UNC80: variants seen among roughly 807,000 people sequenced by gnomAD.
The protein encoded by UNC80 is protein unc-80 homolog.
A neutral mutation model predicts 384.6 loss-of-function variants in UNC80; 164 were observed. The ratio of observed to expected loss-of-function variants is 0.43; its 90% CI spans 0.38 to 0.49. The LOEUF is 0.49. UNC80 is among the 20% of genes least tolerant of loss of function. The pLI, the probability that UNC80 is intolerant of heterozygous loss-of-function variation, is 0.00. For missense variants in UNC80, 3,330 were observed against 4,143.0 expected, an observed-to-expected ratio of 0.80 and a Z score of 5.39; for synonymous variants, 1,486 against 1,527.8, an observed-to-expected ratio of 0.97 and a Z score of 0.64.
Position 209,863,156 on chromosome 2 carries a change from TG to T in UNC80, c.3628-9600del, listed in dbSNP as rs199930450. 3.3e-4 allele frequency among the ~76,000 whole-genome samples: 50 copies of T among 152,272 alleles called. 1 individual carries two copies. In the East Asian group the frequency reaches 9.5e-3, roughly 29 times the overall value. ...TTCTTTTTCTTAAGAATGTTGAATA[TG>T]GCCCCCAATCTCTTCCGGCTTGTAG... On this transcript the variant is annotated intron_variant, in intron 22 of 64. Transcript: ENST00000673920.
At chr2:209,965,553 TG>T (rs1478078764) in intron 51 of UNC80, among the ~76,000 whole-genome samples, 1 of 151,882 alleles carries the variant, frequency 6.6e-6, no homozygotes, top group Non-Finnish European at 1.5e-5. Flanking sequence ...CCCGAGTAGT[TG>T]GGATTACGGG....
At chr2:209,967,873 T>C (rs917124999) in intron 52 of UNC80, 24 of 415,608 alleles carry the variant, frequency 5.8e-5, no homozygotes, top group African/African-American at 4.5e-4. Flanking sequence ...ATCCATTTCT[T>C]AGCTATCATG....
intron 35 of UNC80, among the ~76,000 whole-genome samples, chr2:209,924,337 C>G (rs1032971136): frequency 6.6e-6 from 1 of 152,030 alleles, no homozygotes; most frequent in African/African-American, 2.4e-5. Context: ...CATAATAAGC[C>G]TTTGTTGAGT....
chr2:209,974,317 C>G (rs1395553650), intron 56 of UNC80, among the ~76,000 whole-genome samples: 2 of 152,174 alleles, frequency 1.3e-5, no homozygotes, highest in Non-Finnish European at 2.9e-5. Flanking sequence ...GTACCTAGGA[C>G]TAACCCATAT....
At chr2:209,985,986 C>T (rs868122972) in intron 61 of UNC80, among the ~76,000 whole-genome samples, 4 of 152,012 alleles carry the variant, frequency 2.6e-5, no homozygotes, top group South Asian at 2.1e-4. Flanking sequence ...TCATGACATT[C>T]GTGTTTGCCA....
At chr2:209,773,404 A>G (rs758670514) in intron 2 of UNC80, among the ~76,000 whole-genome samples, 60 of 152,228 alleles carry the variant, frequency 3.9e-4, no homozygotes, top group Admixed American at 1.4e-3. Context: ...GGTAAGCACT[A>G]TGGAGAAAAA....
Position 209,913,790 on chromosome 2 carries a change from A to G in UNC80, c.4891-12A>G, listed in dbSNP as rs911343804. 11 of 1,537,788 alleles carry G rather than the reference A, an allele frequency of 7.2e-6. No individual in the cohort carries two copies. The African/African-American group carries it at 1.2e-4, about 17-fold the overall frequency. ...TAAAAGATTTTAAAACATGATTTCC[A>G]TCTTTTCCCAGGTGATGAGCTTGTC... is the stretch of plus-strand genomic sequence containing the variant. On this transcript the variant is annotated splice_polypyrimidine_tract_variant and intron_variant, in intron 30 of 64. Transcript: ENST00000673920.
At chr2:209,913,217 A>C (rs938760728) in intron 30 of UNC80, among the ~76,000 whole-genome samples, 1 of 152,140 alleles carries the variant, frequency 6.6e-6, no homozygotes, top group Non-Finnish European at 1.5e-5. Context: ...TCTCCCCCCC[A>C]AAAAAATTGT....
intron 58 of UNC80, among the ~76,000 whole-genome samples, chr2:209,977,716 A>AG (rs2093048735): frequency 6.6e-6 from 1 of 152,188 alleles, no homozygotes; most frequent in Non-Finnish European, 1.5e-5. Context: ...GCAAACTAGG[A>AG]GGTACTTTCT....
chr2:209,966,945 G>A (rs1316178068), intron 51 of UNC80, among the ~76,000 whole-genome samples: 3 of 152,312 alleles, frequency 2.0e-5, no homozygotes, highest in Admixed American at 6.5e-5. Flanking sequence ...ACTTTTTATA[G>A]GGTGGCTTTG....
Position 209,973,280 on chromosome 2 carries a change from T to C in UNC80, c.8587+10T>C, listed in dbSNP as rs924205432. 2 of 1,518,076 alleles carry C rather than the reference T, an allele frequency of 1.3e-6. No individual in the cohort carries two copies. Among genetic ancestry groups the C allele is most frequent in the Non-Finnish European group, 1.8e-6 (2 of 1,125,988 alleles). 94.0% of individuals were successfully genotyped at this position (1,518,076 alleles called of 1,614,324 possible). On this transcript the variant is annotated intron_variant, in intron 56 of 64. Coordinates refer to ENST00000673920, the MANE Select transcript of UNC80 (RefSeq NM_001371986.1). ...CAAGCAGCATACTTGGGTTGGTACT[T>C]TCTCTCTCTCTCTCTCTGTTTGTGC...
chr2:209,893,879 C>A lies in UNC80; in HGVS notation c.4277-284C>A, dbSNP rs374849525. On this transcript the variant is annotated intron_variant, in intron 26 of 64. Transcript: ENST00000673920. ...CCCATGATAAAAGTGTACTAATAGTCCTAGTTGATGCTGCCCCAAAAGCAC... is the reference window on the plus strand; with the variant it reads ...CCCATGATAAAAGTGTACTAATAGTACTAGTTGATGCTGCCCCAAAAGCAC... Among the ~76,000 whole-genome samples, 4 of 152,250 alleles carry A rather than the reference C, an allele frequency of 2.6e-5. No homozygotes were observed. The East Asian group carries it at 5.8e-4, about 22-fold the overall frequency.
At chr2:209,972,139 A>G (rs2092903579) in intron 54 of UNC80, 62 bp from the exon 55 acceptor site, 3 of 1,527,592 alleles carry the variant, frequency 2.0e-6, no homozygotes, top group Non-Finnish European at 2.6e-6. Context: ...TACTGTGTAA[A>G]AACAAACATA....
chr2:209,971,049 C>A, intron 54 of UNC80, 92 bp downstream of exon 54: 1 of 1,450,790 alleles, frequency 6.9e-7, no homozygotes, highest in Non-Finnish European at 9.1e-7. Context: ...AAAGGCTGGG[C>A]AAAATCTGTG....
intron 28 of UNC80, among the ~76,000 whole-genome samples, chr2:209,904,348 C>T (rs1245498553): frequency 1.3e-5 from 2 of 152,236 alleles, no homozygotes; most frequent in Non-Finnish European, 2.9e-5. Context: ...AGGTGTCCCA[C>T]AGCTGTCAAA....
intron 45 of UNC80, among the ~76,000 whole-genome samples, 173 bp from the exon 46 acceptor site, chr2:209,944,878 G>A (rs1159210360): frequency 6.6e-6 from 1 of 152,110 alleles, no homozygotes. Context: ...AAAGTCAGGT[G>A]TACCACTCCA....
In UNC80 at chr2:209,917,801, T is replaced by C. The variant is rs2089679875; in HGVS notation, c.5054T>C (p.Val1685Ala). The C allele has an allele frequency of 5.2e-6, 8 of 1,551,972 alleles. No homozygotes were observed. In the Admixed American group the frequency reaches 9.8e-5, roughly 19 times the overall value. Residue 1685 changes from valine (V) to alanine (A), a missense_variant, in exon 32 of 65, where the codon GTG (valine) becomes GCG (alanine). Coordinates refer to ENST00000673920, the MANE Select transcript of UNC80 (RefSeq NM_001371986.1). ...GCTGCCATGTTCCTGCTGTGTGCAG[T>C]GAAGGTGCCTGAGGCCGTGTCCGAC... Reference protein sequence around the residue: ...AAAAMFLLCAVKVPEAVSDML... With the variant: ...AAAAMFLLCAAKVPEAVSDML...
Position 209,917,809 on chromosome 2 carries a change from C to T in UNC80, c.5062C>T (p.Pro1688Ser). 2.6e-6 allele frequency: 4 copies of T among 1,552,150 alleles called. No individual in the cohort carries two copies. Among genetic ancestry groups the T allele is most frequent in the Non-Finnish European group, 3.5e-6 (4 of 1,147,074 alleles). ...AMFLLCAVKV[P>S]EAVSDMLMSE... The stretch of plus-strand genomic sequence containing the variant: ...GTTCCTGCTGTGTGCAGTGAAGGTG[C>T]CTGAGGCCGTGTCCGACATGCTGAT... Residue 1688 changes from proline (P) to serine (S), a missense_variant, in exon 32 of 65, where the codon CCT becomes TCT. Coordinates refer to ENST00000673920, the MANE Select transcript of UNC80 (RefSeq NM_001371986.1).
chr2:209,957,464 T>C (rs954472399), intron 48 of UNC80, among the ~76,000 whole-genome samples, 180 bp from the exon 49 acceptor site: 2 of 152,234 alleles, frequency 1.3e-5, no homozygotes, highest in African/African-American at 4.8e-5. Flanking sequence ...TGGGAATCAA[T>C]GTTCTTTTAA....
Sources: allele counts gnomAD v4.1 joint callset (sites outside exome capture counted in the v4.1 genomes callset), GRCh38; gene constraint gnomAD v4.1.1; transcripts MANE v1.5; gene names NCBI Gene and HGNC (gene_info 2026-07-23, HGNC 2026-07-21).